Variants in SYN2 observed in about 807,000 individuals in gnomAD.
The protein encoded by SYN2 is synapsin II, also known as synapsin-2.
SYN2 carries 19 observed loss-of-function variants against 50.9 expected under a neutral mutation model. The ratio of observed to expected loss-of-function variants is 0.37; its 90% confidence interval spans 0.26 to 0.55. The LOEUF (loss-of-function observed/expected upper bound fraction) is 0.55. SYN2 is among the 20% of genes least tolerant of loss of function. SYN2 has a pLI of 0.81. For synonymous variants in SYN2, 255 were observed against 224.9 expected (o/e 1.13, Z -1.20); for missense variants, 587 against 576.4 (o/e 1.02, Z -0.19).
intron 1 of SYN2, among the ~76,000 whole-genome samples, chr3:12,007,684 T>G (rs1693827858): frequency 6.6e-6 from 1 of 152,148 alleles, no homozygotes; most frequent in South Asian, 2.1e-4. Context: ...TATATAATGC[T>G]AAAATAAAAA....
At chr3:12,070,066 CT>C (rs144225788) in intron 1 of SYN2, 5,443 of 234,306 alleles carry the variant, frequency 0.023, 273 homozygotes, top group African/African-American at 0.11. Flanking sequence ...TCCCAAAGTG[CT>C]GAGATGATAG....
intron 1 of SYN2, among the ~76,000 whole-genome samples, chr3:12,023,653 TTCTTTA>T (rs1694193315): frequency 6.6e-6 from 1 of 152,224 alleles, no homozygotes; most frequent in Admixed American, 6.5e-5. Flanking sequence ...CACATATTTT[TTCTTTA>T]TCTTGTAGTC....
At position 12,187,424 on chromosome 3, in the gene SYN2, C is replaced by A; in HGVS notation, c.1425C>A (p.Arg475=). 1 of 1,552,146 alleles carries A rather than the reference C, an allele frequency of 6.4e-7. No homozygotes were observed. Among genetic ancestry groups the A allele is most frequent in the Non-Finnish European group, 8.7e-7 (1 of 1,147,020 alleles). ...CCCCAGGCAAGGTGCTGCCTCCACG[C>A]CGGCTCCCCCCTGGACCATCACTGC... ...MQPPGKVLPP[R]RLPPGPSLPP... Residue 475 remains arginine, a synonymous_variant, in exon 12 of 13, where the codon CGC becomes CGA. Transcript: ENST00000621198.
rs78979257 is a variant in SYN2 at position 12,141,654 on chromosome 3, A to G, written c.436-251A>G. On this transcript the variant is annotated intron_variant, in intron 2 of 12. Transcript: ENST00000621198. The stretch of plus-strand genomic sequence containing the variant: ...CTGAGTTTTGCTCCTTTCTCTGCCA[A>G]TGATAAGTTTTGTTTGTCCTGAAAA... Among the ~76,000 whole-genome samples the G allele has an allele frequency of 0.041, 6,320 of 152,296 alleles. 267 individuals are homozygous for G. The highest frequency in any genetic ancestry group is 0.11 in the Admixed American group (1,752 of 15,282).
intron 1 of SYN2, among the ~76,000 whole-genome samples, chr3:12,095,145 A>T (rs1574937160): frequency 1.3e-5 from 2 of 152,166 alleles, no homozygotes; most frequent in East Asian, 3.9e-4. Context: ...AGACAGAATC[A>T]TCTACACATG....
chr3:12,087,851 A>ATGG (rs1411938343), intron 1 of SYN2, among the ~76,000 whole-genome samples: 1 of 152,184 alleles, frequency 6.6e-6, no homozygotes, highest in African/African-American at 2.4e-5. Context: ...TCTTCAATAA[A>ATGG]TGGTGTTGGG....
At chr3:12,085,373 A>ACGCACGCACG (rs796468363) in intron 1 of SYN2, among the ~76,000 whole-genome samples, 1 of 150,178 alleles carries the variant, frequency 6.7e-6, no homozygotes. Flanking sequence ...ACACACACAC[A>ACGCACGCACG]CACACACGCA....
At chr3:12,072,223 T>C (rs2125169125) in intron 1 of SYN2, among the ~76,000 whole-genome samples, 1 of 152,370 alleles carries the variant, frequency 6.6e-6, no homozygotes, top group East Asian at 1.9e-4. Flanking sequence ...ACTTTATATA[T>C]TCTGGATACC....
intron 7 of SYN2, among the ~76,000 whole-genome samples, chr3:12,162,766 A>G (rs1697684146): frequency 1.3e-5 from 2 of 152,234 alleles, no homozygotes; most frequent in South Asian, 4.1e-4. Context: ...GCTACAGAAC[A>G]TTAAAAGCCC....
In SYN2 at chr3:12,004,505, C is replaced by A; in HGVS notation, c.-47C>A. 1 of 481,654 alleles carries A rather than the reference C, an allele frequency of 2.1e-6. No individual in the cohort carries two copies. The highest frequency in any genetic ancestry group is 3.9e-6 in the Non-Finnish European group (1 of 255,434). The allele number at this position is 481,654 out of a possible 1,614,324, so 29.8% of individuals were successfully genotyped here. On this transcript the variant is annotated 5_prime_UTR_variant, in exon 1 of 13. Transcript: ENST00000621198. ...GCCTTCCGCCCTCGCTCTCCCTCCGCGCCACCAGACCCCGTAGCCCCGCGC... is the reference window on the plus strand; with the variant it reads ...GCCTTCCGCCCTCGCTCTCCCTCCGAGCCACCAGACCCCGTAGCCCCGCGC...
intron 1 of SYN2, among the ~76,000 whole-genome samples, chr3:12,132,091 C>T (rs1214995013): frequency 6.9e-6 from 1 of 144,020 alleles, no homozygotes; most frequent in Admixed American, 7.2e-5. Flanking sequence ...AGGCTGCACT[C>T]GAACTCCTGG....
chr3:12,120,721 C>G (rs1696538102), intron 1 of SYN2, among the ~76,000 whole-genome samples: 2 of 152,182 alleles, frequency 1.3e-5, no homozygotes, highest in African/African-American at 4.8e-5. Flanking sequence ...ATCTCAACCT[C>G]TATCCTAGGA....
At chr3:12,005,340 C>T (rs1574880226) in intron 1 of SYN2, among the ~76,000 whole-genome samples, 1 of 152,054 alleles carries the variant, frequency 6.6e-6, no homozygotes, top group South Asian at 2.1e-4. Context: ...GGTTTAACTT[C>T]ATGAAGCACG....
intron 1 of SYN2, among the ~76,000 whole-genome samples, chr3:12,010,713 A>G (rs1693896757): frequency 6.6e-6 from 1 of 152,256 alleles, no homozygotes; most frequent in South Asian, 2.1e-4. Flanking sequence ...ATTTTCTTTT[A>G]AAAGCATTAG....
At chr3:12,184,741 G>T in intron 11 of SYN2, 3 of 985,912 alleles carry the variant, frequency 3.0e-6, no homozygotes, top group Non-Finnish European at 3.6e-6. Flanking sequence ...CACCTGAGCA[G>T]ATGCTGAGGC....
intron 1 of SYN2, among the ~76,000 whole-genome samples, chr3:12,115,313 T>G (rs1321319553): frequency 6.6e-6 from 1 of 152,200 alleles, no homozygotes; most frequent in Non-Finnish European, 1.5e-5. Flanking sequence ...AAGGATATAT[T>G]TCATCACTCA....
At position 12,032,912 on chromosome 3, in the gene SYN2, C is replaced by T. The variant is rs1368871221; in HGVS notation, c.377+27984C>T. Among the ~76,000 whole-genome samples, 8 of 104,390 alleles carry T rather than the reference C, an allele frequency of 7.7e-5. 1 individual carries two copies. The highest frequency in any genetic ancestry group is 4.0e-3 in the Middle Eastern group (1 of 248). The allele number at this position is 104,390 out of a possible 152,430, so 68.5% of individuals were successfully genotyped here. Reference sequence around the variant, plus strand: ...AATCATTCTCTATCCAGCTTTGTTCCGTTGCTGGTGAGGAACTGCGTTCCT... The same window carrying T: ...AATCATTCTCTATCCAGCTTTGTTCTGTTGCTGGTGAGGAACTGCGTTCCT... On this transcript the variant is annotated intron_variant, in intron 1 of 12. Coordinates refer to ENST00000621198, the MANE Select transcript of SYN2 (RefSeq NM_133625.6).
intron 1 of SYN2, among the ~76,000 whole-genome samples, chr3:12,112,956 G>A (rs1164472842): frequency 6.6e-6 from 1 of 152,190 alleles, no homozygotes; most frequent in Non-Finnish European, 1.5e-5. Flanking sequence ...GCTTTGTAGA[G>A]TAGGTAAGAC....
At chr3:12,085,777 T>C (rs974259893) in intron 1 of SYN2, among the ~76,000 whole-genome samples, 1 of 152,146 alleles carries the variant, frequency 6.6e-6, no homozygotes, top group African/African-American at 2.4e-5. Flanking sequence ...GGGGAAATTA[T>C]AGCAATAAAT....
Sources: allele counts gnomAD v4.1 joint callset (sites outside exome capture counted in the v4.1 genomes callset), GRCh38; gene constraint gnomAD v4.1.1; transcripts MANE v1.5; gene names NCBI Gene and HGNC (gene_info 2026-07-23, HGNC 2026-07-21).